Variants in LONRF2 observed in about 807,000 individuals in gnomAD.
LONRF2 encodes the protein LON peptidase N-terminal domain and RING finger protein 2.
In LONRF2, 35 loss-of-function variants were observed where a neutral mutation model predicts 66.6. The observed-to-expected ratio is 0.53, with a 90% CI of 0.40 to 0.70. The LOEUF is 0.70. Among genes scored for constraint, LONRF2 ranks in the 30% least tolerant of loss-of-function variants. LONRF2 has a pLI of 0.00. For missense variants in LONRF2, 902 were observed against 1,002.1 expected (o/e 0.90, Z 1.35); for synonymous variants, 417 against 418.1 (o/e 1.00, Z 0.03).
At position 100,322,078 on chromosome 2, in the gene LONRF2, C is replaced by T; in HGVS notation, c.16G>A (p.Val6Ile). 7.7e-7 allele frequency: 1 copy of T among 1,301,944 alleles called. No homozygotes were observed. Among genetic ancestry groups the T allele is most frequent in the Non-Finnish European group, 9.7e-7 (1 of 1,026,572 alleles). The allele number at this position is 1,301,944 out of a possible 1,614,324, so 80.6% of individuals were successfully genotyped here. ...CACTGGGGCGGCGGCGGCGGCGGGACCGGCTCGGGGCTCATCACCGCGGGG... is the reference window on the plus strand; with the variant it reads ...CACTGGGGCGGCGGCGGCGGCGGGATCGGCTCGGGGCTCATCACCGCGGGG... MSPEP[V>I]PPPPPPQCPG... is the part of the protein sequence containing the mutation. Residue 6 changes from valine (V) to isoleucine (I), a missense_variant, in exon 1 of 12, where the codon GTC becomes ATC. Physicochemically the swap from Val to Ile is conservative, Grantham distance 29. This residue lies in a region of LONRF2 where 585 missense variants were observed against 569.9 expected (regional missense o/e 1.03). Transcript: ENST00000393437.
chr2:100,306,871 T>C (rs1675302190), intron 2 of LONRF2, among the ~76,000 whole-genome samples: 1 of 151,668 alleles, frequency 6.6e-6, no homozygotes, highest in Non-Finnish European at 1.5e-5. Context: ...ACTTAGAATA[T>C]ATCTTTTACT....
rs763488406 is a variant in LONRF2 at position 100,295,529 on chromosome 2, T to C, written c.1501A>G (p.Ile501Val). 4 of 1,613,612 alleles carry C rather than the reference T, an allele frequency of 2.5e-6. No homozygotes were observed. In the South Asian group the frequency reaches 3.3e-5, roughly 13 times the overall value. ...ATTAATTCTTCGGCCAGAACAGTTA[T>C]GTTAAAGTTTCTGCTTGCCAATAAC... ...SELLASRNFNITVLAEELIFR... is the reference protein window; with the variant it reads ...SELLASRNFNVTVLAEELIFR... The change falls in exon 8 of 12, where the codon ATA becomes GTA. Residue 501 changes from isoleucine to valine, a missense_variant. Coordinates refer to ENST00000393437, the MANE Select transcript of LONRF2 (RefSeq NM_198461.4).
Position 100,278,623 on chromosome 2 carries a change from C to G in LONRF2, c.*5675G>C, listed in dbSNP as rs1333325396. 6.6e-6 allele frequency: 1 copy of G among 152,150 alleles called. No individual in the cohort carries two copies. Among genetic ancestry groups the G allele is most frequent in the East Asian group, 1.9e-4 (1 of 5,178 alleles). The allele number at this position is 152,150 out of a possible 1,614,324, so 9.4% of individuals were successfully genotyped here. On this transcript the variant is annotated 3_prime_UTR_variant, in exon 12 of 12. Coordinates refer to ENST00000393437, the MANE Select transcript of LONRF2 (RefSeq NM_198461.4). ...AAGCCACTGTTTCAACCAAACGCGGCAAATGCTGGGACCCACATCAGCACG... is the reference window on the plus strand; with the variant it reads ...AAGCCACTGTTTCAACCAAACGCGGGAAATGCTGGGACCCACATCAGCACG...
rs1573114659 is a variant in LONRF2, at chr2:100,295,666, A to C, written c.1477-113T>G. On this transcript the variant is annotated intron_variant, in intron 7 of 11. Coordinates refer to ENST00000393437, the MANE Select transcript of LONRF2 (RefSeq NM_198461.4). ...TGGGTGGGATCTCTGAGCAGGTAAGAAGGAAAAGGGATGGAGAGAGAGGCG... is the reference window on the plus strand; with the variant it reads ...TGGGTGGGATCTCTGAGCAGGTAAGCAGGAAAAGGGATGGAGAGAGAGGCG... The C allele has an allele frequency of 3.8e-6, 4 of 1,060,002 alleles. No homozygotes were observed. In the East Asian group the frequency reaches 1.1e-4, roughly 28 times the overall value. The allele number at this position is 1,060,002 out of a possible 1,614,324, so 65.7% of individuals were successfully genotyped here.
chr2:100,279,824 C>G lies in LONRF2; in HGVS notation c.*4474G>C, dbSNP rs1212375366. ...TGAGCTGTTATTCAGACCAGCCAGT[C>G]TTAGCTATTTCCCTGCCCTTTCCTG... On this transcript the variant is annotated 3_prime_UTR_variant, in exon 12 of 12. Transcript: ENST00000393437. 1.3e-5 allele frequency: 2 copies of G among 152,234 alleles called. No individual in the cohort carries two copies. The highest frequency in any genetic ancestry group is 4.8e-5 in the African/African-American group (2 of 41,448). 9.4% of individuals were successfully genotyped at this position (152,234 alleles called of 1,614,324 possible).
rs1045778114 is a variant in LONRF2 at position 100,281,955 on chromosome 2, C to T, written c.*2343G>A. 1 of 151,734 alleles carries T rather than the reference C, an allele frequency of 6.6e-6. No individual in the cohort carries two copies. Among genetic ancestry groups the T allele is most frequent in the Non-Finnish European group, 1.5e-5 (1 of 67,966 alleles). 9.4% of individuals were successfully genotyped at this position (151,734 alleles called of 1,614,324 possible). Reference sequence around the variant, plus strand: ...ACCGTAGGATGCTGTCACCCTGACCCGGTTCCTGATGCGTGATGTTTCTAA... The same window carrying T: ...ACCGTAGGATGCTGTCACCCTGACCTGGTTCCTGATGCGTGATGTTTCTAA... On this transcript the variant is annotated 3_prime_UTR_variant, in exon 12 of 12. Transcript: ENST00000393437.
chr2:100,289,580 T>C (rs905853900), intron 10 of LONRF2, among the ~76,000 whole-genome samples: 4 of 150,208 alleles, frequency 2.7e-5, no homozygotes, highest in African/African-American at 9.8e-5. Context: ...GGACTACAGG[T>C]GCCCGCCACC....
At chr2:100,316,975 A>G (rs1054458671) in intron 1 of LONRF2, among the ~76,000 whole-genome samples, 1 of 152,162 alleles carries the variant, frequency 6.6e-6, no homozygotes, top group African/African-American at 2.4e-5. Context: ...AGAATACTTT[A>G]TCTGATAGTC....
chr2:100,283,802 A>T lies in LONRF2; in HGVS notation c.*496T>A, dbSNP rs1286520865. ...CAATGGTGTGATTATTCGATTTCAC[A>T]GACAACTTCACAGCAACACGCAAAG... On this transcript the variant is annotated 3_prime_UTR_variant, in exon 12 of 12. Transcript: ENST00000393437. 1 of 152,814 alleles carries T rather than the reference A, an allele frequency of 6.5e-6. No homozygotes were observed. The highest frequency in any genetic ancestry group is 2.4e-5 in the African/African-American group (1 of 41,472). 9.5% of individuals were successfully genotyped at this position (152,814 alleles called of 1,614,324 possible).
At position 100,272,233 on chromosome 2, in the gene LONRF2, C is replaced by T. The variant is rs920569619; in HGVS notation, c.*12065G>A. Among the ~76,000 whole-genome samples, 3 of 152,194 alleles carry T rather than the reference C, an allele frequency of 2.0e-5. No homozygotes were observed. Among genetic ancestry groups the T allele is most frequent in the Non-Finnish European group, 4.4e-5 (3 of 68,044 alleles). On this transcript the variant is annotated 3_prime_UTR_variant, in exon 12 of 12. Coordinates refer to ENST00000393437, the MANE Select transcript of LONRF2 (RefSeq NM_198461.4). ...GAGTATGCAGGGTTAGGTGCAGTGG[C>T]TTATGCCTGCAATCTCACACTTTGG...
rs1401071014 is a variant in LONRF2 at position 100,298,960 on chromosome 2, A to T, written c.1362-10T>A. Reference sequence around the variant, plus strand: ...AGGTTCAAAGAGCAATCTGGAAGAAAATATCTGTTTTCAGCCAGAAATGTC... The same window carrying T: ...AGGTTCAAAGAGCAATCTGGAAGAATATATCTGTTTTCAGCCAGAAATGTC... On this transcript the variant is annotated splice_polypyrimidine_tract_variant and intron_variant, in intron 6 of 11. Coordinates refer to ENST00000393437, the MANE Select transcript of LONRF2 (RefSeq NM_198461.4). The T allele has an allele frequency of 6.3e-7, 1 of 1,598,172 alleles. No homozygotes were observed. Among genetic ancestry groups the T allele is most frequent in the African/African-American group, 1.3e-5 (1 of 74,600 alleles).
chr2:100,294,901 TA>T (rs1198276108), intron 8 of LONRF2, among the ~76,000 whole-genome samples: 1 of 152,132 alleles, frequency 6.6e-6, no homozygotes, highest in African/African-American at 2.4e-5. Context: ...TTTTTTGAGG[TA>T]AAATATACGT....
rs775494388 is a variant in LONRF2, at chr2:100,282,168, C to G, written c.*2130G>C. 4 of 152,188 alleles carry G rather than the reference C, an allele frequency of 2.6e-5. No homozygotes were observed. The South Asian group carries it at 8.3e-4, about 32-fold the overall frequency. 9.4% of individuals were successfully genotyped at this position (152,188 alleles called of 1,614,324 possible). A position where few individuals can be genotyped will look rare whatever the true frequency, so the allele number is the denominator to read the frequency against. The stretch of plus-strand genomic sequence containing the variant: ...TTGTTCAGACTTTTACATAACATGC[C>G]GAAGGAGAAGACTCAGAAAGCCAGG... On this transcript the variant is annotated 3_prime_UTR_variant, in exon 12 of 12. Transcript: ENST00000393437.
chr2:100,289,127 G>C (rs942060756), intron 10 of LONRF2, among the ~76,000 whole-genome samples: 2 of 152,096 alleles, frequency 1.3e-5, no homozygotes, highest in East Asian at 3.9e-4. Flanking sequence ...CCAACCTAGA[G>C]AACAGGGACT....
intron 10 of LONRF2, among the ~76,000 whole-genome samples, chr2:100,288,497 T>C (rs190877785): frequency 6.6e-6 from 1 of 152,362 alleles, no homozygotes; most frequent in East Asian, 1.9e-4. Context: ...GCAGTATAAT[T>C]TACAGACCAA....
intron 2 of LONRF2, among the ~76,000 whole-genome samples, chr2:100,307,878 AC>A (rs1291234386): frequency 2.0e-5 from 3 of 152,226 alleles, no homozygotes; most frequent in African/African-American, 7.2e-5. Flanking sequence ...TCAATTAAAA[AC>A]ATAATTTTAA....
In LONRF2 at chr2:100,284,192, C is replaced by A. The variant is rs1393952873; in HGVS notation, c.*106G>T. The A allele has an allele frequency of 9.2e-7, 1 of 1,086,286 alleles. No individual in the cohort carries two copies. The allele number at this position is 1,086,286 out of a possible 1,614,324, so 67.3% of individuals were successfully genotyped here. A position where few individuals can be genotyped will look rare whatever the true frequency, so the allele number is the denominator to read the frequency against. ...TTTGGCAAGCGTCCCATTTTGGAAC[C>A]TCATCCACAAGCACTTGATGAAGCA... On this transcript the variant is annotated 3_prime_UTR_variant, in exon 12 of 12. Coordinates refer to ENST00000393437, the MANE Select transcript of LONRF2 (RefSeq NM_198461.4).
Position 100,290,248 on chromosome 2 carries a change from T to C in LONRF2, c.1920+10A>G. The C allele has an allele frequency of 6.2e-7, 1 of 1,607,458 alleles. No individual in the cohort carries two copies. Among genetic ancestry groups the C allele is most frequent in the Non-Finnish European group, 8.5e-7 (1 of 1,176,934 alleles). On this transcript the variant is annotated intron_variant, in intron 10 of 11. Coordinates refer to ENST00000393437, the MANE Select transcript of LONRF2 (RefSeq NM_198461.4). ...ACTGCTATAAAATACACCAGTATGA[T>C]AAGCCTTACCTTTTCATCTTCAAGA...
rs1453158223 is a variant in LONRF2, at chr2:100,272,503, G to T, written c.*11795C>A. On this transcript the variant is annotated 3_prime_UTR_variant, in exon 12 of 12. Transcript: ENST00000393437. ...GACACAGCAAGACCATGTCCCCCAA[G>T]AAGAAAATAAATAAATAAATAAACA... Among the ~76,000 whole-genome samples, 2 of 150,148 alleles carry T rather than the reference G, an allele frequency of 1.3e-5. No individual in the cohort carries two copies. The highest frequency in any genetic ancestry group is 4.9e-5 in the African/African-American group (2 of 40,664).
Sources: allele counts gnomAD v4.1 joint callset (sites outside exome capture counted in the v4.1 genomes callset), GRCh38; gene constraint gnomAD v4.1.1; regional missense constraint gnomAD v4.1.1; transcripts MANE v1.5; gene names NCBI Gene and HGNC (gene_info 2026-07-23, HGNC 2026-07-21).